Variants in FAM111B observed in about 807,000 individuals in gnomAD.
The protein encoded by FAM111B is serine protease FAM111B.
A neutral mutation model predicts 2.8 loss-of-function variants in FAM111B; 1 was observed. That is an observed-to-expected ratio of 0.36 (90% confidence interval 0.13 to 1.70). The LOEUF is 1.70. Ranked by LOEUF, FAM111B falls within the 40% of genes most tolerant of loss-of-function variation. The probability of loss-of-function intolerance (pLI) is 0.35; values close to 1 mark genes in which losing one functional copy is unlikely to be tolerated. For synonymous variants in FAM111B, 297 were observed against 295.6 expected, an observed-to-expected ratio of 1.00 and a Z score of -0.05; for missense variants, 882 against 878.9, an observed-to-expected ratio of 1.00 and a Z score of -0.04.
intron 3 of FAM111B, among the ~76,000 whole-genome samples, chr11:59,110,900 A>G (rs567451229): frequency 2.0e-4 from 30 of 152,324 alleles, no homozygotes; most frequent in African/African-American, 7.0e-4. Context: ...CCAAGATCAC[A>G]GTAGGCTTTA....
At chr11:59,121,019 T>G (rs1187970161) in intron 3 of FAM111B, among the ~76,000 whole-genome samples, 2 of 123,024 alleles carry the variant, frequency 1.6e-5, no homozygotes, top group African/African-American at 6.4e-5. Context: ...GTACAAAAAA[T>G]AATTCCAGAT....
intron 3 of FAM111B, among the ~76,000 whole-genome samples, chr11:59,117,200 A>G (rs1394303884): frequency 6.6e-6 from 1 of 152,146 alleles, no homozygotes; most frequent in African/African-American, 2.4e-5. Flanking sequence ...AAAACCCACC[A>G]TCACTACCAC....
intron 3 of FAM111B, among the ~76,000 whole-genome samples, chr11:59,114,872 G>A (rs968706745): frequency 6.6e-6 from 1 of 152,092 alleles, no homozygotes; most frequent in African/African-American, 2.4e-5. Context: ...AGAGAATGGC[G>A]GAGGCTGTTT....
chr11:59,126,266 A>C lies in FAM111B; in HGVS notation c.2169A>C (p.Ser723=), dbSNP rs200825736. Residue 723 remains serine, a synonymous_variant, in exon 4 of 4, where the codon TCA becomes TCC. Transcript: ENST00000343597. ...AAGAGAAAGGTAAACAAGAGTCATCACTTCAAGATCATCAGATTGAACCCA... is the reference window on the plus strand; with the variant it reads ...AAGAGAAAGGTAAACAAGAGTCATCCCTTCAAGATCATCAGATTGAACCCA... The part of the protein sequence containing the change: ...YDEEKGKQES[S]LQDHQIEPME... The C allele has an allele frequency of 7.0e-6, 11 of 1,568,326 alleles. No homozygotes were observed. Among genetic ancestry groups the C allele is most frequent in the Non-Finnish European group, 8.6e-7 (1 of 1,162,586 alleles).
At chr11:59,120,912 A>C (rs1859911084) in intron 3 of FAM111B, among the ~76,000 whole-genome samples, 1 of 152,242 alleles carries the variant, frequency 6.6e-6, no homozygotes, top group Admixed American at 6.5e-5. Context: ...CTGACAGTAC[A>C]GATCAGTGGA....
At chr11:59,120,836 G>T (rs1260734275) in intron 3 of FAM111B, among the ~76,000 whole-genome samples, 1 of 152,162 alleles carries the variant, frequency 6.6e-6, no homozygotes, top group East Asian at 1.9e-4. Context: ...AGGTACTAGG[G>T]ATTAGGACTG....
rs1436085913 is a variant in FAM111B at position 59,126,022 on chromosome 11, A to T, written c.1925A>T (p.Asp642Val). 4 of 1,613,942 alleles carry T rather than the reference A, an allele frequency of 2.5e-6. No individual in the cohort carries two copies. The highest frequency in any genetic ancestry group is 4.5e-5 in the East Asian group (2 of 44,884). The stretch of plus-strand genomic sequence containing the variant: ...TGGAACACACACACGCTTAGTTATG[A>T]TACTTGTTTCTCTGATGGGTCCTCA... ...EVWNTHTLSY[D>V]TCFSDGSSGS... is the part of the protein sequence containing the mutation. The change falls in exon 4 of 4, where the codon GAT becomes GTT. Residue 642 changes from aspartate (D) to valine (V), a missense_variant. Transcript: ENST00000343597.
Position 59,124,937 on chromosome 11 carries a change from TAAAAAAATTA to T in FAM111B, c.843_852del (p.Lys281AsnfsTer15). The T allele has an allele frequency of 6.2e-7, 1 of 1,604,574 alleles. No individual in the cohort carries two copies. The highest frequency in any genetic ancestry group is 8.5e-7 in the Non-Finnish European group (1 of 1,177,626). The stretch of plus-strand genomic sequence containing the variant: ...AAGCATTACAACAGAAAGATATCCA[TAAAAAAATTA>T]AACAGAATGAAAGTGCCACTGATGA... On this transcript the variant is annotated frameshift_variant, in exon 4 of 4. Transcript: ENST00000343597. LOFTEE classifies it low-confidence loss of function (END_TRUNC).
At chr11:59,114,142 C>T (rs2135397688) in intron 3 of FAM111B, among the ~76,000 whole-genome samples, 1 of 152,292 alleles carries the variant, frequency 6.6e-6, no homozygotes, top group Middle Eastern at 3.4e-3. Flanking sequence ...CCTGAAGACA[C>T]CCAAGGGAAG....
In FAM111B at chr11:59,126,610, C is replaced by A; in HGVS notation, c.*308C>A. Reference sequence around the variant, plus strand: ...GCAAAGGACATGAACAAACACTTTTCAAAAGAAGATATACACATGGCCAAC... The same window carrying A: ...GCAAAGGACATGAACAAACACTTTTAAAAAGAAGATATACACATGGCCAAC... On this transcript the variant is annotated 3_prime_UTR_variant, in exon 4 of 4. Transcript: ENST00000343597. 4.5e-6 allele frequency: 1 copy of A among 220,922 alleles called. No homozygotes were observed. The highest frequency in any genetic ancestry group is 8.8e-6 in the Non-Finnish European group (1 of 113,544). The allele number at this position is 220,922 out of a possible 1,614,324, so 13.7% of individuals were successfully genotyped here.
rs1330692452 is a variant in FAM111B, at chr11:59,126,062, T to C, written c.1965T>C (p.Phe655=). Residue 655 remains phenylalanine (F), a synonymous_variant, in exon 4 of 4, where the codon TTT becomes TTC. Transcript: ENST00000343597. ...ATGGGTCCTCAGGCTCCCCAGTGTTTAATGCATCTGGCAAATTGGTTGCTT... is the reference window on the plus strand; with the variant it reads ...ATGGGTCCTCAGGCTCCCCAGTGTTCAATGCATCTGGCAAATTGGTTGCTT... ...FSDGSSGSPV[F]NASGKLVALH... is the part of the protein sequence containing the mutation. 1 of 1,613,724 alleles carries C rather than the reference T, an allele frequency of 6.2e-7. No homozygotes were observed. Among genetic ancestry groups the C allele is most frequent in the East Asian group, 2.2e-5 (1 of 44,894 alleles).
Position 59,124,291 on chromosome 11 carries a change from C to T in FAM111B, c.194C>T (p.Thr65Ile). Residue 65 changes from threonine (T) to isoleucine (I), a missense_variant, in exon 4 of 4, where the codon ACA becomes ATA. Transcript: ENST00000343597. ...KLKSEVNKHE[T>I]ALEMQNPNLN... ...AAAAGTGAAGTCAACAAGCATGAAA[C>T]AGCCCTTGAAATGCAGAATCCAAAT... is the stretch of plus-strand genomic sequence containing the variant. The T allele has an allele frequency of 6.2e-7, 1 of 1,613,804 alleles. No individual in the cohort carries two copies. Among genetic ancestry groups the T allele is most frequent in the Non-Finnish European group, 8.5e-7 (1 of 1,179,804 alleles).
Position 59,127,227 on chromosome 11 carries a change from C to G in FAM111B, c.*925C>G, listed in dbSNP as rs1860053686. 6.6e-6 allele frequency: 1 copy of G among 152,050 alleles called. No individual in the cohort carries two copies. Among genetic ancestry groups the G allele is most frequent in the Non-Finnish European group, 1.5e-5 (1 of 67,984 alleles). The allele number at this position is 152,050 out of a possible 1,614,324, so 9.4% of individuals were successfully genotyped here. ...AAGAAGAAAACAACAGATATGGGGC[C>G]TACTTGAGGGTGGAGGGTGGGAGGA... On this transcript the variant is annotated 3_prime_UTR_variant, in exon 4 of 4. Transcript: ENST00000343597.
At position 59,115,228 on chromosome 11, in the gene FAM111B, A is replaced by C. The variant is rs78923983; in HGVS notation, c.81+5522A>C. Among the ~76,000 whole-genome samples the C allele has an allele frequency of 4.8e-3, 732 of 152,288 alleles. 8 individuals carry two copies. The highest frequency in any genetic ancestry group is 0.017 in the African/African-American group (693 of 41,550). On this transcript the variant is annotated intron_variant, in intron 3 of 3. Transcript: ENST00000343597. ...TTCCCCAATCCTGGCCAGGCTTAGA[A>C]GTAGGGGCCAGGGAAAGACAAGGGT...
At chr11:59,122,892 C>G (rs967521500) in intron 3 of FAM111B, among the ~76,000 whole-genome samples, 1 of 152,154 alleles carries the variant, frequency 6.6e-6, no homozygotes, top group African/African-American at 2.4e-5. Flanking sequence ...CGAGCTGTAC[C>G]TCCTGATTTT....
Position 59,127,284 on chromosome 11 carries a change from C to T in FAM111B, c.*982C>T, listed in dbSNP as rs1289205637. 1.3e-5 allele frequency: 2 copies of T among 152,092 alleles called. No homozygotes were observed. Among genetic ancestry groups the T allele is most frequent in the Non-Finnish European group, 2.9e-5 (2 of 67,976 alleles). 9.4% of individuals were successfully genotyped at this position (152,092 alleles called of 1,614,324 possible). A position where few individuals can be genotyped will look rare whatever the true frequency, so the allele number is the denominator to read the frequency against. ...AGACTGAAAAACTGCCTATGGGGTA[C>T]TATGCTTATTACCTGGGTGATGAAA... On this transcript the variant is annotated 3_prime_UTR_variant, in exon 4 of 4. Coordinates refer to ENST00000343597, the MANE Select transcript of FAM111B (RefSeq NM_198947.4).
intron 3 of FAM111B, among the ~76,000 whole-genome samples, chr11:59,115,895 A>G (rs966229736): frequency 8.5e-5 from 13 of 152,196 alleles, no homozygotes; most frequent in Non-Finnish European, 1.8e-4. Context: ...GCCAGTGAGG[A>G]TGGCACCAGT....
chr11:59,116,553 A>G (rs1221892641), intron 3 of FAM111B, among the ~76,000 whole-genome samples: 1 of 152,156 alleles, frequency 6.6e-6, no homozygotes, highest in Non-Finnish European at 1.5e-5. Flanking sequence ...GCCCAGAGCT[A>G]TAGAGGGAAG....
intron 3 of FAM111B, among the ~76,000 whole-genome samples, chr11:59,113,093 C>T (rs1050613416): frequency 6.6e-6 from 1 of 152,114 alleles, no homozygotes; most frequent in East Asian, 1.9e-4. Flanking sequence ...CAAAACATTT[C>T]TAGTTTTCTT....
Sources: allele counts gnomAD v4.1 joint callset (sites outside exome capture counted in the v4.1 genomes callset), GRCh38; gene constraint gnomAD v4.1.1; transcripts MANE v1.5; gene names NCBI Gene and HGNC (gene_info 2026-07-23, HGNC 2026-07-21).